ADARB1: variants seen among roughly 807,000 people sequenced by gnomAD.
ADARB1 encodes adenosine deaminase RNA specific B1, also known as double-stranded RNA-specific editase 1.
ADARB1 carries 10 observed loss-of-function variants against 52.4 expected under a neutral mutation model. The observed-to-expected ratio is 0.19, with a 90% CI of 0.12 to 0.32. ADARB1 has a LOEUF of 0.32. Among genes scored for constraint, ADARB1 ranks in the 10% least tolerant of loss-of-function variants. The probability of loss-of-function intolerance (pLI) is 1.00; values close to 1 mark genes in which losing one functional copy is unlikely to be tolerated. For missense variants in ADARB1, 643 were observed against 922.3 expected, an observed-to-expected ratio of 0.70 and a Z score of 3.92; for synonymous variants, 349 against 371.1, an observed-to-expected ratio of 0.94 and a Z score of 0.68.
intron 2 of ADARB1, among the ~76,000 whole-genome samples, chr21:45,141,140 G>A (rs997559522): frequency 2.6e-5 from 4 of 152,320 alleles, no homozygotes; most frequent in East Asian, 3.9e-4. Flanking sequence ...GGGTGGCAAT[G>A]AGCCAAGATT....
intron 2 of ADARB1, among the ~76,000 whole-genome samples, chr21:45,134,356 G>A (rs1279709805): frequency 1.6e-5 from 2 of 127,518 alleles, no homozygotes. Flanking sequence ...TGCGCCCGAC[G>A]GGGGTGTGTG....
intron 2 of ADARB1, among the ~76,000 whole-genome samples, chr21:45,130,891 A>G (rs1284913241): frequency 1.3e-5 from 2 of 152,196 alleles, no homozygotes; most frequent in Non-Finnish European, 2.9e-5. Context: ...TAGAATTCCT[A>G]TAGTAATTCC....
chr21:45,145,964 C>A (rs191269968), intron 2 of ADARB1: 1 of 152,388 alleles, frequency 6.6e-6, no homozygotes, highest in Non-Finnish European at 1.5e-5. Flanking sequence ...CACGTTCTCA[C>A]CGAGCTGTGG....
At chr21:45,076,004 T>G (rs989884992) in intron 1 of ADARB1, among the ~76,000 whole-genome samples, 4 of 152,256 alleles carry the variant, frequency 2.6e-5, no homozygotes, top group African/African-American at 9.6e-5. Context: ...CTCTTAAATT[T>G]TGCCGTATGT....
At chr21:45,136,088 C>T (rs747575466) in intron 2 of ADARB1, among the ~76,000 whole-genome samples, 36 of 151,954 alleles carry the variant, frequency 2.4e-4, no homozygotes, top group African/African-American at 4.6e-4. Flanking sequence ...TCAGAGGGAT[C>T]GGAGGGAGGG....
At chr21:45,089,158 A>G (rs532600763) in intron 1 of ADARB1, among the ~76,000 whole-genome samples, 27 of 152,314 alleles carry the variant, frequency 1.8e-4, no homozygotes, top group African/African-American at 6.5e-4. Flanking sequence ...TGATTTCGAT[A>G]TATCCTTCTC....
At position 45,125,855 on chromosome 21, in the gene ADARB1, T is replaced by G. The variant is rs541379169; in HGVS notation, c.-219-2547T>G. ...AGGTTGAATTTCTTACTAGTTCCCT[T>G]TTTCTGTTTTCTTTGAGCTTACTTT... On this transcript the variant is annotated intron_variant, in intron 1 of 10. Transcript: ENST00000348831. Among the ~76,000 whole-genome samples, 215 of 152,330 alleles carry G rather than the reference T, an allele frequency of 1.4e-3. 1 individual carries two copies. Among genetic ancestry groups the G allele is most frequent in the African/African-American group, 4.9e-3 (205 of 41,586 alleles).
intron 1 of ADARB1, among the ~76,000 whole-genome samples, chr21:45,084,528 C>T (rs2086266850): frequency 6.6e-6 from 1 of 152,222 alleles, no homozygotes; most frequent in Non-Finnish European, 1.5e-5. Flanking sequence ...TGATCCCTTT[C>T]TCTGTTTCCT....
intron 2 of ADARB1, among the ~76,000 whole-genome samples, chr21:45,137,885 G>C (rs1446681101): frequency 6.6e-6 from 1 of 151,876 alleles, no homozygotes; most frequent in East Asian, 1.9e-4. Context: ...AGGGGCTCTG[G>C]ATATGACTCC....
intron 1 of ADARB1, among the ~76,000 whole-genome samples, chr21:45,112,279 C>A (rs1261760392): frequency 6.6e-6 from 1 of 152,174 alleles, no homozygotes; most frequent in Non-Finnish European, 1.5e-5. Context: ...ATTGACTCAT[C>A]ATTTTTGAGT....
intron 1 of ADARB1, among the ~76,000 whole-genome samples, chr21:45,122,100 C>T (rs1474620273): frequency 6.6e-6 from 1 of 152,220 alleles, no homozygotes; most frequent in Non-Finnish European, 1.5e-5. Context: ...GCAGTAATTA[C>T]TGTCTCGAAA....
intron 1 of ADARB1, among the ~76,000 whole-genome samples, chr21:45,105,084 TTTG>T (rs1300882248): frequency 2.6e-3 from 3 of 1,166 alleles, no homozygotes; most frequent in Non-Finnish European, 8.4e-3. Flanking sequence ...GCTTCGTTGT[TTTG>T]TTTTGTTTTG....
At chr21:45,163,060 C>A (rs577490030) in intron 2 of ADARB1, among the ~76,000 whole-genome samples, 32 of 152,356 alleles carry the variant, frequency 2.1e-4, no homozygotes, top group Admixed American at 4.6e-4. Context: ...GGCTTCCCAT[C>A]CAGAGTGACC....
chr21:45,084,592 G>T (rs1018888313), intron 1 of ADARB1, among the ~76,000 whole-genome samples: 2 of 152,196 alleles, frequency 1.3e-5, no homozygotes, highest in Non-Finnish European at 2.9e-5. Context: ...TTGAGCAGGG[G>T]TTGTTTTTCA....
chr21:45,087,557 A>G (rs2086395840), intron 1 of ADARB1, among the ~76,000 whole-genome samples: 1 of 152,094 alleles, frequency 6.6e-6, no homozygotes, highest in South Asian at 2.1e-4. Context: ...AGTGGGTGCC[A>G]GGTCATAGGT....
At chr21:45,082,266 C>A (rs753034352) in intron 1 of ADARB1, among the ~76,000 whole-genome samples, 4 of 152,164 alleles carry the variant, frequency 2.6e-5, no homozygotes, top group Non-Finnish European at 4.4e-5. Flanking sequence ...TCTCAACTTA[C>A]GATGAGGTTC....
intron 1 of ADARB1, among the ~76,000 whole-genome samples, chr21:45,115,819 G>A (rs983189699): frequency 6.6e-6 from 1 of 152,134 alleles, no homozygotes; most frequent in Non-Finnish European, 1.5e-5. Flanking sequence ...TACATAACAC[G>A]TGGTATTGTG....
chr21:45,166,866 C>T (rs747096577), intron 2 of ADARB1, among the ~76,000 whole-genome samples: 14 of 110,118 alleles, frequency 1.3e-4, no homozygotes, highest in Non-Finnish European at 2.3e-4. Flanking sequence ...TTGAATATTG[C>T]TATCAAATAA....
intron 1 of ADARB1, among the ~76,000 whole-genome samples, chr21:45,093,948 C>G (rs1307435837): frequency 6.6e-6 from 1 of 152,138 alleles, no homozygotes. Context: ...TTTAGCACTT[C>G]GTTTTTACTG....
Sources: allele counts gnomAD v4.1 joint callset (sites outside exome capture counted in the v4.1 genomes callset), GRCh38; gene constraint gnomAD v4.1.1; transcripts MANE v1.5; gene names NCBI Gene and HGNC (gene_info 2026-07-23, HGNC 2026-07-21).